Variants in ABCA4 observed in about 807,000 individuals in gnomAD.
ABCA4 encodes the protein retinal-specific phospholipid-transporting ATPase ABCA4.
A neutral mutation model predicts 263.7 loss-of-function variants in ABCA4; 196 were observed. That is an observed-to-expected ratio of 0.74 (90% CI 0.66 to 0.84). The LOEUF is 0.84. Ranked by LOEUF, ABCA4 falls within the 40% of genes least tolerant of loss-of-function variation. The pLI is 0.00. For missense variants in ABCA4, 2,792 were observed against 2,855.1 expected, an observed-to-expected ratio of 0.98 and a Z score of 0.50; for synonymous variants, 1,133 against 1,094.2, an observed-to-expected ratio of 1.04 and a Z score of -0.70.
rs1490986516 is a variant in ABCA4 at position 94,031,936 on chromosome 1, C to T, written c.3970G>A (p.Ala1324Thr). Reference sequence around the variant, plus strand: ...TGGCCCTCTGGGTGAGCAGCCGGCGCCCCTGGGGAGCAGACATTGGAGTCC... The same window carrying T: ...TGGCCCTCTGGGTGAGCAGCCGGCGTCCCTGGGGAGCAGACATTGGAGTCC... ...PQDSNVCSPGAPAAHPEGQPP... is the reference protein window; with the variant it reads ...PQDSNVCSPGTPAAHPEGQPP... The change falls in exon 27 of 50, where the codon GCG (alanine) becomes ACG (threonine). Residue 1324 changes from alanine to threonine, a missense_variant. Ala to Thr is a moderately conservative substitution (Grantham distance 58, BLOSUM62 0). Coordinates refer to ENST00000370225, the MANE Select transcript of ABCA4 (RefSeq NM_000350.3). The T allele has an allele frequency of 1.2e-6, 2 of 1,614,088 alleles. No homozygotes were observed. Among genetic ancestry groups the T allele is most frequent in the Non-Finnish European group, 1.7e-6 (2 of 1,180,014 alleles).
rs750192063 is a variant in ABCA4, at chr1:94,023,410, C to T, written c.4643G>A (p.Ser1548Asn). The T allele has an allele frequency of 1.9e-5, 31 of 1,609,102 alleles. 1 individual carries two copies. The South Asian group carries it at 3.4e-4, about 18-fold the overall frequency. The part of the protein sequence containing the change: ...YPALIRSSLK[S>N]KFWVNEQRYG... ...CCTCTGTTCATTGACCCAGAATTTGCTCTTTAAGCTGAAAGCCAAAATAAA... is the reference window on the plus strand; with the variant it reads ...CCTCTGTTCATTGACCCAGAATTTGTTCTTTAAGCTGAAAGCCAAAATAAA... Residue 1548 changes from serine to asparagine, a missense_variant, in exon 32 of 50, where the codon AGC becomes AAC. Ser to Asn is a conservative substitution (Grantham distance 46, BLOSUM62 1). Transcript: ENST00000370225.
chr1:94,091,634 T>C (rs1276294760), intron 6 of ABCA4, among the ~76,000 whole-genome samples: 1 of 149,624 alleles, frequency 6.7e-6, no homozygotes, highest in Non-Finnish European at 1.5e-5. Context: ...CACAATTTCC[T>C]ATGCCAAATA....
chr1:94,092,785 A>G (rs1003839485), intron 6 of ABCA4, among the ~76,000 whole-genome samples: 1 of 151,304 alleles, frequency 6.6e-6, no homozygotes, highest in Non-Finnish European at 1.5e-5. Flanking sequence ...AGGTCACTCC[A>G]TGAGACAGAC....
chr1:94,075,447 G>A (rs974156434), intron 11 of ABCA4, among the ~76,000 whole-genome samples: 1 of 152,210 alleles, frequency 6.6e-6, no homozygotes, highest in Non-Finnish European at 1.5e-5. Flanking sequence ...GTTTGGTGCT[G>A]CTGTCATGAC....
intron 7 of ABCA4, 85 bp from the exon 8 acceptor site, chr1:94,080,803 G>A: frequency 6.4e-7 from 1 of 1,572,798 alleles, no homozygotes; most frequent in Non-Finnish European, 8.7e-7. Context: ...CGTTTGGTTT[G>A]ACTTCCACAT....
Position 94,080,614 on chromosome 1 carries a change from G to T in ABCA4, c.963C>A (p.Asp321Glu), listed in dbSNP as rs745364081. Residue 321 changes from aspartate to glutamate, a missense_variant, in exon 8 of 50, where the codon GAC becomes GAA. Physicochemically the swap from Asp to Glu is conservative, Grantham distance 45 (BLOSUM62 2). Coordinates refer to ENST00000370225, the MANE Select transcript of ABCA4 (RefSeq NM_000350.3). ...CTCCCTCGGGGTAGCCACACAGGAG[G>T]TCAGACAGGATGCCCATCAGCTTTG... is the stretch of plus-strand genomic sequence containing the variant. ...TFTKLMGILS[D>E]LLCGYPEGGG... 5 of 1,614,132 alleles carry T rather than the reference G, an allele frequency of 3.1e-6. No homozygotes were observed. Among genetic ancestry groups the T allele is most frequent in the Non-Finnish European group, 4.2e-6 (5 of 1,180,032 alleles).
Position 94,031,673 on chromosome 1 carries a change from C to T in ABCA4, c.4128+105G>A, listed in dbSNP as rs201165819. 6 of 1,447,332 alleles carry T rather than the reference C, an allele frequency of 4.1e-6. No homozygotes were observed. The East Asian group carries it at 9.7e-5, about 23-fold the overall frequency. The allele number at this position is 1,447,332 out of a possible 1,614,324, so 89.7% of individuals were successfully genotyped here. ...AAACCAGCAGAATCTAAAGAGGGTG[C>T]TCCTTGCTGAGTTATAACCCATGCC... On this transcript the variant is annotated intron_variant, in intron 27 of 49. Transcript: ENST00000370225.
Position 94,021,310 on chromosome 1 carries a change from C to T in ABCA4, c.4948G>A (p.Glu1650Lys), listed in dbSNP as rs762754528. The part of the protein sequence containing the change: ...RASLPKDRSP[E>K]EYGITVISQP... ...CTAATGACGGTGATTCCATACTCCT[C>T]GGGGCTCCTGTCCTTAGGCAGGCTG... The change falls in exon 35 of 50, where the codon GAG becomes AAG. Residue 1650 changes from glutamate to lysine, a missense_variant. Physicochemically the swap from Glu to Lys is moderately conservative, Grantham distance 56. Transcript: ENST00000370225. 1.5e-5 allele frequency: 24 copies of T among 1,614,038 alleles called. No homozygotes were observed. The highest frequency in any genetic ancestry group is 5.0e-5 in the Admixed American group (3 of 60,004).
chr1:94,042,499 G>C (rs1660520065), intron 22 of ABCA4, among the ~76,000 whole-genome samples: 2 of 152,206 alleles, frequency 1.3e-5, no homozygotes, highest in Admixed American at 1.3e-4. Flanking sequence ...CATTATTCCA[G>C]ACAGAAGGGC....
At chr1:94,048,303 A>G (rs74968378) in intron 18 of ABCA4, among the ~76,000 whole-genome samples, 2,778 of 152,314 alleles carry the variant, frequency 0.018, 61 homozygotes, top group Admixed American at 0.052. Flanking sequence ...AGTTTAAGAG[A>G]GAAGATGAGG....
chr1:94,036,040 G>A (rs534711971), intron 26 of ABCA4, among the ~76,000 whole-genome samples: 4 of 152,232 alleles, frequency 2.6e-5, no homozygotes, highest in East Asian at 1.9e-4. Context: ...GGAGACTGAC[G>A]TCTGAGTTGT....
chr1:94,118,265 G>A (rs1662856072), intron 1 of ABCA4, among the ~76,000 whole-genome samples: 1 of 152,118 alleles, frequency 6.6e-6, no homozygotes, highest in African/African-American at 2.4e-5. Flanking sequence ...CTTGACAAAT[G>A]TTAACAGAGG....
chr1:94,060,388 T>C, intron 14 of ABCA4, 149 bp downstream of exon 14: 1 of 746,910 alleles, frequency 1.3e-6, no homozygotes, highest in Admixed American at 2.0e-5. Context: ...TCTTTGAGTG[T>C]CTCCCACGTT....
intron 49 of ABCA4, 130 bp downstream of exon 49, chr1:93,995,979 A>T (rs1028582126): frequency 2.7e-6 from 2 of 753,626 alleles, no homozygotes; most frequent in African/African-American, 3.4e-5. Context: ...CTTGGTAGGG[A>T]CCGTGGTGTG....
At chr1:94,072,679 T>C (rs961172068) in intron 11 of ABCA4, among the ~76,000 whole-genome samples, 2 of 152,160 alleles carry the variant, frequency 1.3e-5, no homozygotes, top group African/African-American at 4.8e-5. Flanking sequence ...TGAGGACCCA[T>C]TTGTCCTGTG....
chr1:94,073,243 G>A (rs913905581), intron 11 of ABCA4, among the ~76,000 whole-genome samples: 2 of 152,154 alleles, frequency 1.3e-5, no homozygotes, highest in Non-Finnish European at 2.9e-5. Flanking sequence ...TCTCCTTTCT[G>A]TTCATTGCCC....
At chr1:94,001,444 C>T (rs372460474) in intron 45 of ABCA4, 26 of 494,728 alleles carry the variant, frequency 5.3e-5, no homozygotes, top group African/African-American at 3.3e-4. Flanking sequence ...CCTTGGTTCC[C>T]GCTATGTCCT....
intron 24 of ABCA4, among the ~76,000 whole-genome samples, chr1:94,037,731 G>C (rs1244790343): frequency 1.3e-5 from 2 of 152,158 alleles, no homozygotes; most frequent in Non-Finnish European, 2.9e-5. Flanking sequence ...TGTGAAAAGG[G>C]GAAAATACTG....
At chr1:94,105,999 G>T (rs1265787967) in intron 4 of ABCA4, among the ~76,000 whole-genome samples, 1 of 152,196 alleles carries the variant, frequency 6.6e-6, no homozygotes, top group Non-Finnish European at 1.5e-5. Flanking sequence ...AATCTCAACA[G>T]ACTGAAACAG....
Sources: gnomAD v4.1 joint callset for allele counts (sites outside exome capture counted in the v4.1 genomes callset) on GRCh38, gnomAD v4.1.1 for gene constraint, MANE v1.5 for transcripts, NCBI Gene and HGNC (gene_info 2026-07-23, HGNC 2026-07-21) for gene names.